Variants in PCDH11Y observed in about 807,000 individuals in gnomAD.
The protein encoded by PCDH11Y is protocadherin-11 Y-linked.
For missense variants in PCDH11Y, 12 were observed against 224.8 expected (o/e 0.05, Z 6.05); for synonymous variants, 9 against 83.6 (o/e 0.11, Z 4.87).
chrY:5,371,258 A>G (rs2573903), intron 2 of PCDH11Y, among the ~76,000 whole-genome samples: 5 of 32,900 alleles, frequency 1.5e-4, no homozygotes, highest in African/African-American at 6.0e-4. Flanking sequence ...GAGAGGGAGC[A>G]TACAGTCCTC....
chrY:5,331,412 C>T, intron 2 of PCDH11Y, among the ~76,000 whole-genome samples: 1 of 32,918 alleles, frequency 3.0e-5, no homozygotes, highest in African/African-American at 1.2e-4. Flanking sequence ...AAGGCACATG[C>T]CTCACTATAC....
intron 4 of PCDH11Y, among the ~76,000 whole-genome samples, chrY:5,727,994 C>T (rs2053600093): frequency 3.0e-5 from 1 of 32,843 alleles, no homozygotes. Flanking sequence ...TTGCCATTTC[C>T]AGAATGTTAT....
intron 2 of PCDH11Y, among the ~76,000 whole-genome samples, chrY:5,112,868 T>C: frequency 2.9e-5 from 1 of 34,126 alleles, no homozygotes; most frequent in South Asian, 6.3e-4. Context: ...AGAGGATTCA[T>C]AACAGTCACT....
intron 2 of PCDH11Y, among the ~76,000 whole-genome samples, chrY:5,159,896 T>G: frequency 6.6e-5 from 2 of 30,120 alleles, no homozygotes; most frequent in Non-Finnish European, 1.6e-4. Context: ...AGCTAATGTA[T>G]ACACCAAAAG....
At chrY:5,298,976 A>G in intron 2 of PCDH11Y, among the ~76,000 whole-genome samples, 1 of 32,568 alleles carries the variant, frequency 3.1e-5, no homozygotes, top group African/African-American at 1.2e-4. Context: ...AAAGTTAGAC[A>G]TTTTCAGAAA....
chrY:5,574,325 T>C, intron 3 of PCDH11Y: 1 of 346,304 alleles, frequency 2.9e-6, no homozygotes, highest in East Asian at 9.5e-5. Context: ...GGTGATGCCT[T>C]GGACAGCAGC....
intron 2 of PCDH11Y, among the ~76,000 whole-genome samples, chrY:5,122,927 T>C: frequency 3.0e-5 from 1 of 32,954 alleles, no homozygotes; most frequent in African/African-American, 1.2e-4. Context: ...GCACATGAAA[T>C]CAAATTCCAT....
At position 5,128,134 on chromosome Y, in the gene PCDH11Y, A is replaced by G. The variant is rs1602872476; in HGVS notation, c.3129+27427A>G. On this transcript the variant is annotated intron_variant, in intron 2 of 4. Transcript: ENST00000400457. ...CTTTCTATGTACATATAAGATCTTT[A>G]CGTTTGAGGATCATATTTAAAGACT... Among the ~76,000 whole-genome samples the G allele has an allele frequency of 3.6e-4, 12 of 32,887 alleles. No individual in the cohort carries two copies. The East Asian group carries it at 8.0e-3, about 22-fold the overall frequency. 88.2% of individuals were successfully genotyped at this position (32,887 alleles called of 37,273 possible). A position where few individuals can be genotyped will look rare whatever the true frequency, so the allele number is the denominator to read the frequency against.
At chrY:5,621,533 TA>T (rs369679272) in intron 4 of PCDH11Y, among the ~76,000 whole-genome samples, 5 of 30,521 alleles carry the variant, frequency 1.6e-4, no homozygotes, top group African/African-American at 3.8e-4. Context: ...TTCACGGAAT[TA>T]AAAAAAAAAC....
intron 4 of PCDH11Y, among the ~76,000 whole-genome samples, chrY:5,593,621 T>C: frequency 3.1e-5 from 1 of 32,491 alleles, no homozygotes; most frequent in African/African-American, 1.2e-4. Context: ...TGCACTGTTC[T>C]TTCTTGTCTT....
chrY:5,391,479 C>T (rs2053220999), intron 2 of PCDH11Y, among the ~76,000 whole-genome samples: 73 of 32,232 alleles, frequency 2.3e-3, no homozygotes, highest in Admixed American at 0.021. Context: ...CACCTGTCAT[C>T]TCAAAAGTTT....
At chrY:5,107,623 G>C, downstream of PCDH11Y, among the ~76,000 whole-genome samples, 1 of 32,871 alleles carries the variant, frequency 3.0e-5, no homozygotes, top group Non-Finnish European at 7.4e-5. Flanking sequence ...TATTACGTTT[G>C]CCTTGCAAGT....
At chrY:5,162,005 G>T in intron 2 of PCDH11Y, among the ~76,000 whole-genome samples, 1 of 32,179 alleles carries the variant, frequency 3.1e-5, no homozygotes, top group East Asian at 8.5e-4. Flanking sequence ...GACAGAGATG[G>T]TTAGAATTTC....
chrY:5,049,592 G>A (rs2052648217), intron 3 of PCDH11Y, among the ~76,000 whole-genome samples: 3 of 23,572 alleles, frequency 1.3e-4, no homozygotes, highest in South Asian at 1.0e-3. Context: ...ATGGAGTCTC[G>A]CTCTGTCACC....
chrY:5,191,015 T>C (rs2052911714), intron 2 of PCDH11Y, among the ~76,000 whole-genome samples: 1 of 32,838 alleles, frequency 3.0e-5, no homozygotes, highest in African/African-American at 1.2e-4. Context: ...CAAAATTAAC[T>C]TATTCAGAAT....
At chrY:5,727,949 T>C in intron 4 of PCDH11Y, among the ~76,000 whole-genome samples, 1 of 32,629 alleles carries the variant, frequency 3.1e-5, no homozygotes, top group Non-Finnish European at 7.6e-5. Flanking sequence ...TCCCAGCTCC[T>C]GGCGATCACC....
intron 2 of PCDH11Y, among the ~76,000 whole-genome samples, chrY:5,478,424 GT>G (rs2053322081): frequency 6.0e-5 from 2 of 33,071 alleles, no homozygotes; most frequent in South Asian, 6.8e-4. Flanking sequence ...TTGCTGGGGA[GT>G]TTTTTACTTC....
intron 2 of PCDH11Y, among the ~76,000 whole-genome samples, chrY:5,339,621 G>A (rs1602907494): frequency 6.2e-5 from 2 of 32,229 alleles, no homozygotes; most frequent in African/African-American, 2.4e-4. Context: ...GAGACACTGT[G>A]CCCAGTCCCT....
At chrY:5,481,572 T>C (rs2053325736) in intron 2 of PCDH11Y, among the ~76,000 whole-genome samples, 1 of 33,136 alleles carries the variant, frequency 3.0e-5, no homozygotes, top group East Asian at 7.9e-4. Flanking sequence ...CAAAAAATTG[T>C]TTCTTAGCAC....
Sources: gnomAD v4.1 joint callset for allele counts (sites outside exome capture counted in the v4.1 genomes callset) on GRCh38, gnomAD v4.1.1 for gene constraint, MANE v1.5 for transcripts, NCBI Gene and HGNC (gene_info 2026-07-23, HGNC 2026-07-21) for gene names.